The following CAMKK1 variants were observed in gnomAD, a reference collection of about 807,000 sequenced individuals.
CAMKK1 encodes the protein calcium/calmodulin-dependent protein kinase kinase 1.
In CAMKK1, 20 loss-of-function variants were observed where a neutral mutation model predicts 63.5. That is an observed-to-expected ratio of 0.32 (90% CI 0.22 to 0.46). The LOEUF is 0.46. CAMKK1 is among the 20% of genes least tolerant of loss of function. The probability of loss-of-function intolerance (pLI) is 1.00; values close to 1 mark genes in which losing one functional copy is unlikely to be tolerated. For synonymous variants in CAMKK1, 253 were observed against 269.0 expected, an observed-to-expected ratio of 0.94 and a Z score of 0.58; for missense variants, 588 against 658.1, an observed-to-expected ratio of 0.89 and a Z score of 1.17.
At chr17:3,881,438 A>C (rs2055407815) in intron 8 of CAMKK1, among the ~76,000 whole-genome samples, 189 bp downstream of exon 8, 1 of 151,924 alleles carries the variant, frequency 6.6e-6, no homozygotes, top group Non-Finnish European at 1.5e-5. Flanking sequence ...CTCCCTGACT[A>C]TTTCAGCCTC....
At chr17:3,871,521 AT>A (rs778144436) in intron 12 of CAMKK1, among the ~76,000 whole-genome samples, 20 of 144,304 alleles carry the variant, frequency 1.4e-4, no homozygotes, top group South Asian at 4.4e-4. Context: ...CGCCCGGCTA[AT>A]TTTTTTTCTA....
intron 14 of CAMKK1, among the ~76,000 whole-genome samples, chr17:3,866,835 T>C (rs1190453997): frequency 6.6e-6 from 1 of 152,094 alleles, no homozygotes; most frequent in African/African-American, 2.4e-5. Flanking sequence ...TCCTTCCGCC[T>C]CAGTCTCCTG....
At chr17:3,891,314 G>A (rs931461244) in intron 1 of CAMKK1, among the ~76,000 whole-genome samples, 1 of 152,200 alleles carries the variant, frequency 6.6e-6, no homozygotes, top group Admixed American at 6.5e-5. Flanking sequence ...GAAAGCCAGT[G>A]ATTCAGATAT....
rs899292758 is a variant in CAMKK1 at position 3,885,360 on chromosome 17, C to T, written c.328G>A (p.Glu110Lys). The change falls in exon 2 of 16, where the codon GAG (glutamate) becomes AAG (lysine). Residue 110 changes from glutamate (E) to lysine (K), a missense_variant. By Grantham distance (56) the Glu-to-Lys change is moderately conservative. This residue lies in a region of CAMKK1 where 357 missense variants were observed against 407.4 expected (regional missense o/e 0.88). Coordinates refer to ENST00000348335, the MANE Select transcript of CAMKK1 (RefSeq NM_032294.3). ...TCTGAGATGGCCACGTGGTGGGACT[C>T]GATGGTGGGCCTCCGCCAGGCCCGG... ...SPRAWRRPTI[E>K]SHHVAISDAE... 1.9e-6 allele frequency: 3 copies of T among 1,604,696 alleles called. No homozygotes were observed. The highest frequency in any genetic ancestry group is 1.3e-5 in the African/African-American group (1 of 74,934).
intron 12 of CAMKK1, among the ~76,000 whole-genome samples, chr17:3,870,986 C>G (rs528310507): frequency 6.6e-6 from 1 of 152,102 alleles, no homozygotes; most frequent in African/African-American, 2.4e-5. Context: ...AACCCGGAGA[C>G]GTGTGAATGC....
chr17:3,884,534 G>T lies in CAMKK1; in HGVS notation c.361-107C>A. The T allele has an allele frequency of 9.9e-7, 1 of 1,013,836 alleles. No homozygotes were observed. The allele number at this position is 1,013,836 out of a possible 1,614,324, so 62.8% of individuals were successfully genotyped here. A position where few individuals can be genotyped will look rare whatever the true frequency, so the allele number is the denominator to read the frequency against. On this transcript the variant is annotated intron_variant, in intron 2 of 15. Coordinates refer to ENST00000348335, the MANE Select transcript of CAMKK1 (RefSeq NM_032294.3). The surrounding 1 kb of genome is among the most constrained non-coding windows in gnomAD (Gnocchi z 4.5). ...TTCTGGCCATAAGCTCCTCATTCCC[G>T]GACCCCCAGGTCTCACCAAGCTTTT...
In CAMKK1 at chr17:3,890,364, A is replaced by T. The variant is rs1250212792; in HGVS notation, c.-44+2575T>A. On this transcript the variant is annotated intron_variant, in intron 1 of 15. Transcript: ENST00000348335. This position sits in a 1 kb window ranked among gnomAD's most constrained non-coding sequence, Gnocchi z 6.5. ...GACTCAGCACAGCTACCCCCAGCGC[A>T]TCGTCCTGGCCCACCCACGGAGGCT... is the stretch of plus-strand genomic sequence containing the variant. 6.6e-6 allele frequency among the ~76,000 whole-genome samples: 1 copy of T among 152,042 alleles called. No homozygotes were observed. Among genetic ancestry groups the T allele is most frequent in the Non-Finnish European group, 1.5e-5 (1 of 67,988 alleles).
intron 15 of CAMKK1, among the ~76,000 whole-genome samples, chr17:3,864,316 G>T (rs1011298903): frequency 6.7e-6 from 1 of 150,242 alleles, no homozygotes; most frequent in African/African-American, 2.5e-5. Context: ...GCGTGACCTT[G>T]GCTCACTGCA....
chr17:3,870,672 A>G lies in CAMKK1; in HGVS notation c.1125-784T>C, dbSNP rs571128155. The stretch of plus-strand genomic sequence containing the variant: ...GAGCCACCACGCCCGGCCAAACCCC[A>G]GGTTTCTTTGCCACCAGTGGTCTTG... On this transcript the variant is annotated intron_variant, in intron 12 of 15. Coordinates refer to ENST00000348335, the MANE Select transcript of CAMKK1 (RefSeq NM_032294.3). 1.2e-4 allele frequency among the ~76,000 whole-genome samples: 18 copies of G among 152,224 alleles called. No homozygotes were observed. In the East Asian group the frequency reaches 3.3e-3, roughly 28 times the overall value.
intron 14 of CAMKK1, among the ~76,000 whole-genome samples, chr17:3,868,693 A>C (rs1021944124): frequency 7.2e-5 from 11 of 151,890 alleles, no homozygotes; most frequent in African/African-American, 2.4e-4. Context: ...CGTTCTGTCA[A>C]CCAGGCTGGA....
chr17:3,871,788 GAT>G (rs2054898076), intron 12 of CAMKK1, among the ~76,000 whole-genome samples: 2 of 151,702 alleles, frequency 1.3e-5, no homozygotes, highest in East Asian at 1.9e-4. Context: ...TGGGACTACA[GAT>G]GTGCGCCACC....
intron 7 of CAMKK1, 49 bp from the exon 8 acceptor site, chr17:3,881,697 C>A (rs374784068): frequency 6.5e-7 from 1 of 1,538,998 alleles, no homozygotes; most frequent in South Asian, 1.2e-5. Context: ...GCAAAGCAGC[C>A]GATGCCAAGG....
Position 3,890,583 on chromosome 17 carries a change from T to A in CAMKK1, c.-44+2356A>T. ...TCCTCTGTCTCCATTGCGAGACGGGTACCACACCCTCCCCATTCTTTCCTG... is the reference window on the plus strand; with the variant it reads ...TCCTCTGTCTCCATTGCGAGACGGGAACCACACCCTCCCCATTCTTTCCTG... On this transcript the variant is annotated intron_variant, in intron 1 of 15. Transcript: ENST00000348335. The surrounding 1 kb of genome is among the most constrained non-coding windows in gnomAD (Gnocchi z 6.5). 1 of 771,404 alleles carries A rather than the reference T, an allele frequency of 1.3e-6. No homozygotes were observed. Among genetic ancestry groups the A allele is most frequent in the Non-Finnish European group, 2.4e-6 (1 of 412,754 alleles). 47.8% of individuals were successfully genotyped at this position (771,404 alleles called of 1,614,324 possible).
chr17:3,860,618 G>A lies in CAMKK1; in HGVS notation c.*1593C>T, dbSNP rs2054308027. ...CTCTATAAAAGTGTTCTTAAAAACA[G>A]TACCGAGTAACTTTTTAAGCTTCGG... On this transcript the variant is annotated 3_prime_UTR_variant, in exon 16 of 16. Transcript: ENST00000348335. The A allele has an allele frequency of 6.6e-6, 1 of 152,298 alleles. No individual in the cohort carries two copies. Among genetic ancestry groups the A allele is most frequent in the South Asian group, 2.1e-4 (1 of 4,834 alleles). The allele number at this position is 152,298 out of a possible 1,614,324, so 9.4% of individuals were successfully genotyped here.
intron 14 of CAMKK1, among the ~76,000 whole-genome samples, chr17:3,867,770 T>C (rs2054593219): frequency 6.6e-6 from 1 of 152,104 alleles, no homozygotes; most frequent in South Asian, 2.1e-4. Context: ...CTGGCTCTCC[T>C]CCTGGCCTTG....
At position 3,890,625 on chromosome 17, in the gene CAMKK1, C is replaced by A. The variant is rs185291302; in HGVS notation, c.-44+2314G>T. 29 of 779,312 alleles carry A rather than the reference C, an allele frequency of 3.7e-5. No homozygotes were observed. The highest frequency in any genetic ancestry group is 3.4e-4 in the South Asian group (25 of 74,578). 48.3% of individuals were successfully genotyped at this position (779,312 alleles called of 1,614,324 possible). On this transcript the variant is annotated intron_variant, in intron 1 of 15. Transcript: ENST00000348335. The surrounding 1 kb of genome is among the most constrained non-coding windows in gnomAD (Gnocchi z 6.5). Reference sequence around the variant, plus strand: ...TCTTTCCTGACCCAGGTCAGCAATCCGGGAGCCCTCCTTGTCACTCGTCCT... The same window carrying A: ...TCTTTCCTGACCCAGGTCAGCAATCAGGGAGCCCTCCTTGTCACTCGTCCT...
chr17:3,879,975 G>A lies in CAMKK1; in HGVS notation c.796+371C>T. 1 of 250,788 alleles carries A rather than the reference G, an allele frequency of 4.0e-6. No individual in the cohort carries two copies. 15.5% of individuals were successfully genotyped at this position (250,788 alleles called of 1,614,324 possible). On this transcript the variant is annotated intron_variant, in intron 9 of 15. Coordinates refer to ENST00000348335, the MANE Select transcript of CAMKK1 (RefSeq NM_032294.3). This position sits in a 1 kb window ranked among gnomAD's most constrained non-coding sequence, Gnocchi z 4.5. ...AAATCCACCCTGCCACCATGCCCCG[G>A]CCCCATGCCAGGACAGACTCTCCCC... is the stretch of plus-strand genomic sequence containing the variant.
chr17:3,875,309 G>A (rs1231716240), intron 10 of CAMKK1, among the ~76,000 whole-genome samples: 5 of 151,776 alleles, frequency 3.3e-5, no homozygotes, highest in Admixed American at 6.6e-5. Flanking sequence ...TTCTTTCTTC[G>A]AGACAAGGTG....
At chr17:3,881,055 TCCCGGACCACCCAGC>T (rs917940531) in intron 8 of CAMKK1, among the ~76,000 whole-genome samples, 22 of 152,168 alleles carry the variant, frequency 1.4e-4, no homozygotes, top group Non-Finnish European at 2.8e-4. Context: ...GCAGTGAGGG[TCCCGGACCACCCAGC>T]CCCGTGCTCA....
Sources: gnomAD v4.1 joint callset for allele counts (sites outside exome capture counted in the v4.1 genomes callset) on GRCh38, gnomAD v4.1.1 for gene constraint, gnomAD v4.1.1 regional missense constraint, Gnocchi (gnomAD v3.1) non-coding constraint, MANE v1.5 for transcripts, NCBI Gene and HGNC (gene_info 2026-07-23, HGNC 2026-07-21) for gene names.